The following STX7 variants were observed in gnomAD, a reference collection of about 807,000 sequenced individuals.
The protein encoded by STX7 is syntaxin 7, also known as syntaxin-7.
Under a neutral mutation model 39.6 loss-of-function variants are expected in STX7, and 34 were observed. The ratio of observed to expected loss-of-function variants is 0.86; its 90% CI spans 0.65 to 1.14. STX7 has a LOEUF of 1.14. STX7 is among the 50% of genes most tolerant of loss of function. The pLI is 0.00. For synonymous variants in STX7, 119 were observed against 99.1 expected (o/e 1.20, Z -1.19); for missense variants, 284 against 310.4 (o/e 0.92, Z 0.64).
At chr6:132,472,230 C>T (rs1774740153) in intron 4 of STX7, 52 bp downstream of exon 4, 1 of 1,410,418 alleles carries the variant, frequency 7.1e-7, no homozygotes, top group Non-Finnish European at 9.8e-7. Context: ...CTACAGTGCA[C>T]TGGGTTTTTT....
chr6:132,473,152 CTT>C (rs1774777274), intron 3 of STX7, among the ~76,000 whole-genome samples: 1 of 151,960 alleles, frequency 6.6e-6, no homozygotes, highest in Admixed American at 6.6e-5. Flanking sequence ...GAGGAAAACT[CTT>C]GTCTCAAAAA....
rs117573733 is a variant in STX7, at chr6:132,449,091, G to A, written c.*11667C>T. 4.9e-3 allele frequency: 744 copies of A among 151,858 alleles called. 40 individuals carry two copies. In the East Asian group the frequency reaches 0.13, roughly 26 times the overall value. 9.4% of individuals were successfully genotyped at this position (151,858 alleles called of 1,614,324 possible). A position where few individuals can be genotyped will look rare whatever the true frequency, so the allele number is the denominator to read the frequency against. ...CAGCCTTGAACTCCTGGGCTCGTGT[G>A]ATCCTCCCTCCTCAGCCTCTTGAGT... is the stretch of plus-strand genomic sequence containing the variant. On this transcript the variant is annotated 3_prime_UTR_variant, in exon 10 of 10. Transcript: ENST00000367941.
chr6:132,482,419 T>C (rs572340136), intron 2 of STX7, among the ~76,000 whole-genome samples: 2 of 152,204 alleles, frequency 1.3e-5, no homozygotes, highest in South Asian at 4.1e-4. Flanking sequence ...TTGGAAAAAA[T>C]ATTATACGGT....
chr6:132,490,594 G>A (rs1211683838), intron 2 of STX7, among the ~76,000 whole-genome samples: 1 of 152,142 alleles, frequency 6.6e-6, no homozygotes, highest in Non-Finnish European at 1.5e-5. Context: ...AAAAGCAACA[G>A]AAAATAGCAG....
rs1392042360 is a variant in STX7, at chr6:132,455,698, G to A, written c.*5060C>T. 1.3e-5 allele frequency: 2 copies of A among 152,100 alleles called. No homozygotes were observed. The highest frequency in any genetic ancestry group is 2.9e-5 in the Non-Finnish European group (2 of 68,010). 9.4% of individuals were successfully genotyped at this position (152,100 alleles called of 1,614,324 possible). On this transcript the variant is annotated 3_prime_UTR_variant, in exon 10 of 10. Transcript: ENST00000367941. ...GTGTCTACAAAAACCTATTTAGTGT[G>A]TTATTTAGCTCTATTTCTGCATTTA...
In STX7 at chr6:132,470,640, T is replaced by C. The variant is rs537958891; in HGVS notation, c.388-14A>G. ...AGGAAAACTGCCCTGAATAATTTAG[T>C]AACAGGATGGAATGAGAAGGGGCAA... On this transcript the variant is annotated splice_polypyrimidine_tract_variant and intron_variant, in intron 5 of 9. Coordinates refer to ENST00000367941, the MANE Select transcript of STX7 (RefSeq NM_003569.3). 80 of 1,602,490 alleles carry C rather than the reference T, an allele frequency of 5.0e-5. No individual in the cohort carries two copies. The South Asian group carries it at 8.2e-4, about 16-fold the overall frequency.
intron 2 of STX7, among the ~76,000 whole-genome samples, chr6:132,480,968 A>G (rs1337296537): frequency 6.6e-6 from 1 of 152,174 alleles, no homozygotes; most frequent in African/African-American, 2.4e-5. Flanking sequence ...ACTCTGAGAC[A>G]CTGTTCCACA....
intron 9 of STX7, chr6:132,461,990 C>A: frequency 1.1e-6 from 1 of 882,614 alleles, no homozygotes; most frequent in Non-Finnish European, 1.7e-6. Context: ...TCCACATATT[C>A]ATCTAATTTT....
In STX7 at chr6:132,455,906, T is replaced by C. The variant is rs1291480330; in HGVS notation, c.*4852A>G. 6.6e-6 allele frequency: 1 copy of C among 152,202 alleles called. No individual in the cohort carries two copies. Among genetic ancestry groups the C allele is most frequent in the Non-Finnish European group, 1.5e-5 (1 of 68,032 alleles). 9.4% of individuals were successfully genotyped at this position (152,202 alleles called of 1,614,324 possible). ...AGAAAAAGATTTGCCAAGGGATGGGTAGGGTTAAATTAAAAACATTTTAAG... is the reference window on the plus strand; with the variant it reads ...AGAAAAAGATTTGCCAAGGGATGGGCAGGGTTAAATTAAAAACATTTTAAG... On this transcript the variant is annotated 3_prime_UTR_variant, in exon 10 of 10. Coordinates refer to ENST00000367941, the MANE Select transcript of STX7 (RefSeq NM_003569.3).
At chr6:132,507,648 C>T (rs200412294) in intron 1 of STX7, among the ~76,000 whole-genome samples, 1 of 128,456 alleles carries the variant, frequency 7.8e-6, no homozygotes, top group Non-Finnish European at 1.6e-5. Context: ...TTCATTCCTT[C>T]ATTATTGCCA....
At chr6:132,503,632 G>A (rs2114475029) in intron 1 of STX7, 44 bp from the exon 2 acceptor site, 3 of 839,870 alleles carry the variant, frequency 3.6e-6, no homozygotes, top group East Asian at 5.3e-5. Flanking sequence ...TTAAGTTACT[G>A]GCTTACATTT....
chr6:132,467,015 C>T (rs1774581359), intron 8 of STX7, among the ~76,000 whole-genome samples: 1 of 152,184 alleles, frequency 6.6e-6, no homozygotes, highest in Non-Finnish European at 1.5e-5. Flanking sequence ...TCCAAGCCAA[C>T]AAGATTGAGC....
At chr6:132,464,803 T>G (rs1774519138) in intron 8 of STX7, among the ~76,000 whole-genome samples, 1 of 152,198 alleles carries the variant, frequency 6.6e-6, no homozygotes, top group South Asian at 2.1e-4. Context: ...AACATACTTC[T>G]GTGCTAAAAT....
intron 2 of STX7, among the ~76,000 whole-genome samples, chr6:132,502,070 T>C (rs992250192): frequency 1.3e-5 from 2 of 152,098 alleles, no homozygotes; most frequent in Admixed American, 6.5e-5. Context: ...CTTCCAGAAA[T>C]AGGTAAAAAA....
chr6:132,472,221 T>C, intron 4 of STX7, 61 bp downstream of exon 4: 2 of 1,281,894 alleles, frequency 1.6e-6, no homozygotes, highest in Admixed American at 4.3e-5. Context: ...TCAAAGATCC[T>C]ACAGTGCACT....
intron 5 of STX7, 123 bp from the exon 6 acceptor site, chr6:132,470,749 G>A (rs946682144): frequency 1.1e-5 from 4 of 357,962 alleles, no homozygotes; most frequent in East Asian, 5.1e-5. Flanking sequence ...CTGTGTGTAT[G>A]TGTGTGTGTG....
rs1249372678 is a variant in STX7, at chr6:132,453,569, A to C, written c.*7189T>G. The stretch of plus-strand genomic sequence containing the variant: ...ACAGAGGCACACACACACATTATTT[A>C]AAAGCCCTCAAAACTCAACAGAAAA... On this transcript the variant is annotated 3_prime_UTR_variant, in exon 10 of 10. Coordinates refer to ENST00000367941, the MANE Select transcript of STX7 (RefSeq NM_003569.3). The C allele has an allele frequency of 6.6e-6, 1 of 151,848 alleles. No individual in the cohort carries two copies. The allele number at this position is 151,848 out of a possible 1,614,324, so 9.4% of individuals were successfully genotyped here. A position where few individuals can be genotyped will look rare whatever the true frequency, so the allele number is the denominator to read the frequency against.
At position 132,465,236 on chromosome 6, in the gene STX7, T is replaced by C. The variant is rs73551809; in HGVS notation, c.611-1161A>G. On this transcript the variant is annotated intron_variant, in intron 8 of 9. Coordinates refer to ENST00000367941, the MANE Select transcript of STX7 (RefSeq NM_003569.3). The stretch of plus-strand genomic sequence containing the variant: ...ATCCCAAACCCTGACATTCCAATAA[T>C]TGCAGTTGTTCCATAATCTCAATTT... Among the ~76,000 whole-genome samples, 493 of 152,314 alleles carry C rather than the reference T, an allele frequency of 3.2e-3. 4 individuals carry two copies. The highest frequency in any genetic ancestry group is 0.011 in the African/African-American group (438 of 41,566).
At chr6:132,501,763 T>A (rs962627689) in intron 2 of STX7, among the ~76,000 whole-genome samples, 5 of 152,068 alleles carry the variant, frequency 3.3e-5, no homozygotes, top group African/African-American at 1.2e-4. Flanking sequence ...TGCATAAAGG[T>A]CCTAATTTTC....
Sources: gnomAD v4.1 joint callset for allele counts (sites outside exome capture counted in the v4.1 genomes callset) on GRCh38, gnomAD v4.1.1 for gene constraint, MANE v1.5 for transcripts, NCBI Gene and HGNC (gene_info 2026-07-23, HGNC 2026-07-21) for gene names.